The following TENM3 variants were observed in gnomAD, a reference collection of about 807,000 sequenced individuals.
TENM3 encodes the protein teneurin-3.
TENM3 carries 63 observed loss-of-function variants against 255.1 expected under a neutral mutation model. The observed-to-expected ratio is 0.25, with a 90% CI of 0.20 to 0.30. The LOEUF is 0.30. Among genes scored for constraint, TENM3 ranks in the 10% least tolerant of loss-of-function variants. The probability of loss-of-function intolerance (pLI) is 1.00; values close to 1 mark genes in which losing one functional copy is unlikely to be tolerated. For missense variants in TENM3, 2,929 were observed against 3,461.1 expected (o/e 0.85, Z 3.86); for synonymous variants, 1,306 against 1,322.3 (o/e 0.99, Z 0.27).
chr4:182,400,026 C>T (rs972019142), intron 3 of TENM3, among the ~76,000 whole-genome samples: 1 of 152,056 alleles, frequency 6.6e-6, no homozygotes, highest in African/African-American at 2.4e-5. Context: ...GAGGAGACAG[C>T]TCTTAAGATA....
At chr4:182,065,670 A>T in the TENM3 span, among the ~76,000 whole-genome samples, 1 of 152,208 alleles carries the variant, frequency 6.6e-6, no homozygotes. Flanking sequence ...AGACACACAT[A>T]GAAAGCACAT....
At chr4:181,950,312 C>A in the TENM3 span, among the ~76,000 whole-genome samples, 2 of 151,950 alleles carry the variant, frequency 1.3e-5, no homozygotes, top group Non-Finnish European at 2.9e-5. Flanking sequence ...TATCTTCCTT[C>A]GCTGAGTCCC....
intron 1 of TENM3, among the ~76,000 whole-genome samples, chr4:182,287,878 A>G (rs1760843174): frequency 6.6e-6 from 1 of 150,762 alleles, no homozygotes; most frequent in Admixed American, 6.6e-5. Context: ...CACCCTCCCA[A>G]AGTGCTGGGA....
At chr4:181,520,537 CAAAAT>C in the TENM3 span, among the ~76,000 whole-genome samples, 7 of 151,638 alleles carry the variant, frequency 4.6e-5, no homozygotes, top group South Asian at 6.3e-4. Context: ...CAAAACAAAA[CAAAAT>C]AAAACAAACA....
rs183756364 is a variant in TENM3 at position 182,441,389 on chromosome 4, G to A, written c.511+94460G>A. Among the ~76,000 whole-genome samples, 1,436 of 152,288 alleles carry A rather than the reference G, an allele frequency of 9.4e-3. 3 individuals are homozygous for A. Among genetic ancestry groups the A allele is most frequent in the Middle Eastern group, 0.017 (5 of 294 alleles). ...ACAGAATAGTGTGATGTATACATAG[G>A]AAAGAATCATTTTAATCAGCAAGCA... is the stretch of plus-strand genomic sequence containing the variant. On this transcript the variant is annotated intron_variant, in intron 3 of 27. Coordinates refer to ENST00000511685, the MANE Select transcript of TENM3 (RefSeq NM_001080477.4).
At chr4:181,657,075 C>T in the TENM3 span, among the ~76,000 whole-genome samples, 15 of 152,266 alleles carry the variant, frequency 9.9e-5, no homozygotes, top group African/African-American at 1.7e-4. Flanking sequence ...GTAAAAAGAA[C>T]GAAGAGGGAA....
At position 182,324,008 on chromosome 4, in the gene TENM3, G is replaced by A; in HGVS notation, c.-13G>A. ...CACCAGCAGGACTGATGTGCACACA[G>A]AAGGAATGAAGTATGGATGTGAAAG... On this transcript the variant is annotated 5_prime_UTR_variant, in exon 2 of 28. Transcript: ENST00000511685. 6.2e-7 allele frequency: 1 copy of A among 1,610,386 alleles called. No individual in the cohort carries two copies. Among genetic ancestry groups the A allele is most frequent in the East Asian group, 2.2e-5 (1 of 44,774 alleles).
chr4:181,732,463 A>C, the TENM3 span, among the ~76,000 whole-genome samples: 4 of 152,228 alleles, frequency 2.6e-5, no homozygotes, highest in Admixed American at 1.3e-4. Context: ...AAAAGGTAGA[A>C]TAAAAACGTA....
At chr4:181,641,682 A>T in the TENM3 span, among the ~76,000 whole-genome samples, 1 of 76,852 alleles carries the variant, frequency 1.3e-5, no homozygotes, top group Non-Finnish European at 2.6e-5. Context: ...ATATATATAA[A>T]ATATATATAA....
At chr4:182,038,473 G>A in the TENM3 span, among the ~76,000 whole-genome samples, 4 of 152,214 alleles carry the variant, frequency 2.6e-5, no homozygotes, top group Non-Finnish European at 4.4e-5. Context: ...ATTAAGAATA[G>A]ACCATTTAAG....
chr4:182,606,835 G>C (rs1748487414), intron 4 of TENM3, among the ~76,000 whole-genome samples: 2 of 152,194 alleles, frequency 1.3e-5, no homozygotes, highest in Admixed American at 1.3e-4. Flanking sequence ...GAAGGTTCTA[G>C]ACCAATAGCA....
intron 3 of TENM3, among the ~76,000 whole-genome samples, chr4:182,437,384 C>T (rs1051085110): frequency 6.6e-6 from 1 of 152,272 alleles, no homozygotes; most frequent in East Asian, 1.9e-4. Flanking sequence ...CATCGTTGCT[C>T]ACTCCTGTAA....
chr4:181,961,270 T>C, the TENM3 span, among the ~76,000 whole-genome samples: 1 of 152,236 alleles, frequency 6.6e-6, no homozygotes, highest in African/African-American at 2.4e-5. Flanking sequence ...AATGATAACA[T>C]GCAACTGTTT....
chr4:182,428,465 T>G (rs10050018), intron 3 of TENM3, among the ~76,000 whole-genome samples: 2 of 151,240 alleles, frequency 1.3e-5, no homozygotes, highest in Non-Finnish European at 2.9e-5. Context: ...CCACGTTCAC[T>G]TTCCCAAAGA....
chr4:182,754,760 T>A lies in TENM3; in HGVS notation c.4393T>A (p.Tyr1465Asn). 1 of 1,614,074 alleles carries A rather than the reference T, an allele frequency of 6.2e-7. No homozygotes were observed. The highest frequency in any genetic ancestry group is 8.5e-7 in the Non-Finnish European group (1 of 1,179,912). ...TGACTGTTACCAGAGTGGAGATGGC[T>A]ACGCCAAGGATGCCAAACTCAGTGC... Reference protein sequence around the residue: ...NCDCYQSGDGYAKDAKLSAPS... With the variant: ...NCDCYQSGDGNAKDAKLSAPS... Residue 1465 changes from tyrosine (Y) to asparagine (N), a missense_variant, in exon 22 of 28, where the codon TAC (tyrosine) becomes AAC (asparagine). Tyr to Asn is a moderately radical substitution (Grantham distance 143). Transcript: ENST00000511685. The surrounding 1 kb of genome is among the most constrained non-coding windows in gnomAD (Gnocchi z 5.1).
the TENM3 span, among the ~76,000 whole-genome samples, chr4:181,681,749 T>C: frequency 8.0e-6 from 1 of 124,888 alleles, no homozygotes; most frequent in African/African-American, 3.7e-5. Flanking sequence ...GACTCAGCTA[T>C]TTTTTTTTCC....
At chr4:181,741,992 G>A in the TENM3 span, among the ~76,000 whole-genome samples, 7 of 151,986 alleles carry the variant, frequency 4.6e-5, no homozygotes, top group South Asian at 2.1e-4. Flanking sequence ...ATTACTTATC[G>A]CTTGTGTCAT....
At chr4:181,907,528 G>T in the TENM3 span, among the ~76,000 whole-genome samples, 12 of 152,334 alleles carry the variant, frequency 7.9e-5, no homozygotes, top group South Asian at 2.5e-3. Context: ...AGACACCGTG[G>T]TTGTAAATCC....
the TENM3 span, among the ~76,000 whole-genome samples, chr4:181,723,135 A>G: frequency 2.0e-5 from 3 of 151,958 alleles, no homozygotes; most frequent in African/African-American, 7.3e-5. Flanking sequence ...CAAGATAAAT[A>G]AAGTACTGGT....
Sources: allele counts gnomAD v4.1 joint callset (sites outside exome capture counted in the v4.1 genomes callset), GRCh38; gene constraint gnomAD v4.1.1; non-coding constraint Gnocchi (gnomAD v3.1); transcripts MANE v1.5; gene names NCBI Gene and HGNC (gene_info 2026-07-23, HGNC 2026-07-21).